ZNF704: variants seen among roughly 807,000 people sequenced by gnomAD.
ZNF704 encodes the protein glucocorticoid induced gene 1.
ZNF704 carries 10 observed loss-of-function variants against 44.7 expected under a neutral mutation model. The ratio of observed to expected loss-of-function variants is 0.22; its 90% CI spans 0.14 to 0.38. The LOEUF is 0.38. ZNF704 is among the 10% of genes least tolerant of loss of function. The pLI is 1.00. For missense variants in ZNF704, 390 were observed against 545.5 expected (o/e 0.71, Z 2.84); for synonymous variants, 211 against 207.6 (o/e 1.02, Z -0.14).
chr8:80,760,230 C>T (rs1807105135), intron 2 of ZNF704, among the ~76,000 whole-genome samples: 1 of 152,144 alleles, frequency 6.6e-6, no homozygotes, highest in Non-Finnish European at 1.5e-5. Flanking sequence ...ACACTTGGTA[C>T]TATGTTTTGA....
chr8:80,769,365 AT>A (rs1367142252), intron 2 of ZNF704, among the ~76,000 whole-genome samples: 1 of 152,240 alleles, frequency 6.6e-6, no homozygotes, highest in Non-Finnish European at 1.5e-5. Flanking sequence ...TGGTAACTGT[AT>A]TAGTCTGTTT....
At chr8:80,835,813 C>T (rs1235199603) in intron 1 of ZNF704, among the ~76,000 whole-genome samples, 1 of 152,176 alleles carries the variant, frequency 6.6e-6, no homozygotes, top group African/African-American at 2.4e-5. Flanking sequence ...ACATTAGTTA[C>T]TTAGATATTT....
chr8:80,766,378 C>A (rs979699669), intron 2 of ZNF704, among the ~76,000 whole-genome samples: 3 of 152,120 alleles, frequency 2.0e-5, no homozygotes, highest in African/African-American at 7.2e-5. Flanking sequence ...TACGAACACC[C>A]AGAAAGGGGC....
intron 1 of ZNF704, among the ~76,000 whole-genome samples, chr8:80,861,989 AC>A (rs1156530040): frequency 8.3e-6 from 1 of 121,028 alleles, no homozygotes; most frequent in African/African-American, 3.4e-5. Flanking sequence ...GAAAAAAATA[AC>A]CTTTTTTTTT....
chr8:80,758,056 G>C (rs1807066403), intron 2 of ZNF704, among the ~76,000 whole-genome samples: 1 of 152,160 alleles, frequency 6.6e-6, no homozygotes, highest in South Asian at 2.1e-4. Context: ...TCCAGACTTT[G>C]GCCTACTATG....
At chr8:80,801,927 G>T (rs1250981663) in intron 2 of ZNF704, among the ~76,000 whole-genome samples, 1 of 151,832 alleles carries the variant, frequency 6.6e-6, no homozygotes, top group Non-Finnish European at 1.5e-5. Flanking sequence ...AGATGGCCAG[G>T]CCAGACTAAT....
chr8:80,725,325 T>G (rs1478067716), intron 2 of ZNF704, among the ~76,000 whole-genome samples: 3 of 152,188 alleles, frequency 2.0e-5, no homozygotes, highest in Non-Finnish European at 4.4e-5. Flanking sequence ...AACAAAATTT[T>G]TGTATAAGTA....
intron 4 of ZNF704, among the ~76,000 whole-genome samples, chr8:80,685,234 G>A (rs909344099): frequency 2.6e-5 from 4 of 152,030 alleles, no homozygotes; most frequent in African/African-American, 9.7e-5. Flanking sequence ...AAAGCCTGTA[G>A]ACCTTCCATA....
chr8:80,874,608 G>A lies in ZNF704; in HGVS notation c.-59C>T, dbSNP rs1013276209. 3 of 151,910 alleles carry A rather than the reference G, an allele frequency of 2.0e-5. No individual in the cohort carries two copies. Among genetic ancestry groups the A allele is most frequent in the African/African-American group, 7.3e-5 (3 of 41,338 alleles). 9.4% of individuals were successfully genotyped at this position (151,910 alleles called of 1,614,324 possible). On this transcript the variant is annotated 5_prime_UTR_variant, in exon 1 of 9. Coordinates refer to ENST00000327835, the MANE Select transcript of ZNF704 (RefSeq NM_001033723.3). The surrounding 1 kb of genome is among the most constrained non-coding windows in gnomAD (Gnocchi z 4.4). ...AAAGTCTGGCGCTTCGAAGCAGTTG[G>A]CCCTGACACCAGGGCAAACGCTTAA...
chr8:80,687,032 A>C (rs900952332), intron 4 of ZNF704, among the ~76,000 whole-genome samples, 194 bp downstream of exon 4: 1 of 152,234 alleles, frequency 6.6e-6, no homozygotes, highest in East Asian at 1.9e-4. Flanking sequence ...GAAACTTACC[A>C]GTATTTGTCA....
intron 1 of ZNF704, among the ~76,000 whole-genome samples, chr8:80,863,907 C>T (rs1378141390): frequency 6.6e-6 from 1 of 152,058 alleles, no homozygotes; most frequent in Non-Finnish European, 1.5e-5. Context: ...ATACACTTTC[C>T]TGGATATAAA....
intron 2 of ZNF704, chr8:80,749,802 G>C (rs1806910147): frequency 6.6e-6 from 1 of 152,114 alleles, no homozygotes; most frequent in Non-Finnish European, 1.5e-5. Flanking sequence ...CCAAGGAAAA[G>C]TGTCCCTGTG....
intron 2 of ZNF704, among the ~76,000 whole-genome samples, chr8:80,725,765 AT>A (rs1806468849): frequency 6.6e-6 from 1 of 152,200 alleles, no homozygotes; most frequent in Admixed American, 6.5e-5. Flanking sequence ...ACTGTTAACA[AT>A]GCTTATATGA....
intron 5 of ZNF704, 100 bp from the exon 6 acceptor site, chr8:80,665,182 C>T: frequency 1.5e-6 from 2 of 1,354,072 alleles, no homozygotes; most frequent in South Asian, 2.7e-5. Context: ...TGCTTTTCCT[C>T]CCTCTTGTTT....
At chr8:80,783,450 C>T (rs778375391) in intron 2 of ZNF704, among the ~76,000 whole-genome samples, 15 of 152,180 alleles carry the variant, frequency 9.9e-5, no homozygotes, top group Admixed American at 2.0e-4. Flanking sequence ...AGCCCAGCAA[C>T]TGACTTAAGT....
chr8:80,723,203 A>C (rs932312401), intron 2 of ZNF704, among the ~76,000 whole-genome samples: 1 of 152,230 alleles, frequency 6.6e-6, no homozygotes, highest in Non-Finnish European at 1.5e-5. Flanking sequence ...ATCAAAAGAT[A>C]AATGAATTTT....
At chr8:80,866,635 T>C (rs995251727) in intron 1 of ZNF704, among the ~76,000 whole-genome samples, 1 of 152,184 alleles carries the variant, frequency 6.6e-6, no homozygotes, top group Non-Finnish European at 1.5e-5. Flanking sequence ...AGGCTGATTG[T>C]TTCAGGAACA....
chr8:80,698,487 G>T (rs1004113549), intron 2 of ZNF704, among the ~76,000 whole-genome samples: 1 of 152,112 alleles, frequency 6.6e-6, no homozygotes, highest in African/African-American at 2.4e-5. Context: ...GCTCTATAAG[G>T]GCTTTATCCT....
In ZNF704 at chr8:80,861,991, C is replaced by CTTTT. The variant is rs71266093; in HGVS notation, c.-22+12576_-22+12579dup. On this transcript the variant is annotated intron_variant, in intron 1 of 8. Coordinates refer to ENST00000327835, the MANE Select transcript of ZNF704 (RefSeq NM_001033723.3). Reference sequence around the variant, plus strand: ...GTTGAACAAGATAGAAAAAAATAACCTTTTTTTTTTTTTTTTTTTTTTTTT... The same window carrying CTTTT: ...GTTGAACAAGATAGAAAAAAATAACCTTTTTTTTTTTTTTTTTTTTTTTTTTTTT... 8.8e-4 allele frequency among the ~76,000 whole-genome samples: 82 copies of CTTTT among 92,994 alleles called. 5 individuals carry two copies. Among genetic ancestry groups the CTTTT allele is most frequent in the African/African-American group, 3.2e-3 (60 of 18,556 alleles). 61.0% of individuals were successfully genotyped at this position (92,994 alleles called of 152,430 possible).
Sources: allele counts gnomAD v4.1 joint callset (sites outside exome capture counted in the v4.1 genomes callset), GRCh38; gene constraint gnomAD v4.1.1; non-coding constraint Gnocchi (gnomAD v3.1); transcripts MANE v1.5; gene names NCBI Gene and HGNC (gene_info 2026-07-23, HGNC 2026-07-21).